The following DLGAP1 variants were observed in gnomAD, a reference collection of about 807,000 sequenced individuals.
DLGAP1 encodes disks large-associated protein 1.
Under a neutral mutation model 90.8 loss-of-function variants are expected in DLGAP1, and 11 were observed. The observed-to-expected ratio is 0.12, with a 90% confidence interval of 0.08 to 0.20. DLGAP1 has a LOEUF of 0.20. Among genes scored for constraint, DLGAP1 ranks in the 10% least tolerant of loss-of-function variants. The pLI is 1.00. For missense variants in DLGAP1, 1,050 were observed against 1,333.8 expected, an observed-to-expected ratio of 0.79 and a Z score of 3.31; for synonymous variants, 558 against 540.7, an observed-to-expected ratio of 1.03 and a Z score of -0.44.
intron 7 of DLGAP1, among the ~76,000 whole-genome samples, chr18:3,667,919 C>A (rs1433281876): frequency 6.6e-6 from 1 of 152,120 alleles, no homozygotes; most frequent in East Asian, 1.9e-4. Context: ...TCCTTATCTG[C>A]CCCAAAGCAG....
intron 2 of DLGAP1, among the ~76,000 whole-genome samples, chr18:4,041,698 GA>G (rs2149149398): frequency 6.6e-6 from 1 of 152,248 alleles, no homozygotes; most frequent in East Asian, 1.9e-4. Context: ...CCAGTAGCAA[GA>G]AAAAACTCAT....
intron 2 of DLGAP1, among the ~76,000 whole-genome samples, chr18:4,093,086 T>G (rs1172353539): frequency 6.6e-6 from 1 of 152,200 alleles, no homozygotes; most frequent in African/African-American, 2.4e-5. Context: ...TGGTAGTTTA[T>G]CTTGCTTTTC....
intron 7 of DLGAP1, chr18:3,722,485 A>T (rs2062015754): frequency 6.6e-6 from 1 of 152,118 alleles, no homozygotes; most frequent in Admixed American, 6.5e-5. Flanking sequence ...TGCCTCACAA[A>T]AGGAGTAGGT....
chr18:3,544,698 A>G (rs1002675340), intron 9 of DLGAP1, among the ~76,000 whole-genome samples: 22 of 148,342 alleles, frequency 1.5e-4, no homozygotes, highest in African/African-American at 2.9e-4. Flanking sequence ...GTGTACTTGG[A>G]AAAAAAAATG....
intron 1 of DLGAP1, among the ~76,000 whole-genome samples, chr18:4,273,408 C>T (rs2079330250): frequency 6.6e-6 from 1 of 152,144 alleles, no homozygotes; most frequent in Non-Finnish European, 1.5e-5. Context: ...CCAGGTATTA[C>T]TGATGATGTT....
At chr18:4,387,440 T>C (rs1260666139) in intron 1 of DLGAP1, among the ~76,000 whole-genome samples, 2 of 152,192 alleles carry the variant, frequency 1.3e-5, no homozygotes, top group African/African-American at 2.4e-5. Flanking sequence ...TGGAAGTATA[T>C]TGTTTAAATG....
intron 3 of DLGAP1, among the ~76,000 whole-genome samples, chr18:3,993,871 A>G (rs1025817821): frequency 2.6e-5 from 4 of 152,140 alleles, no homozygotes; most frequent in African/African-American, 9.7e-5. Context: ...TGTTGAGAAG[A>G]TAAAGTTTTA....
chr18:3,757,593 T>C (rs1277558092), intron 5 of DLGAP1, among the ~76,000 whole-genome samples: 1 of 152,120 alleles, frequency 6.6e-6, no homozygotes, highest in Non-Finnish European at 1.5e-5. Context: ...GTTTAGTATC[T>C]GAAAATCAAT....
At chr18:4,273,954 G>A (rs1290765955) in intron 1 of DLGAP1, among the ~76,000 whole-genome samples, 2 of 151,494 alleles carry the variant, frequency 1.3e-5, no homozygotes. Context: ...TTATCTTTCT[G>A]AACAACCAGC....
intron 2 of DLGAP1, among the ~76,000 whole-genome samples, chr18:4,026,806 A>T (rs760909424): frequency 4.6e-5 from 7 of 152,218 alleles, no homozygotes; most frequent in Non-Finnish European, 5.9e-5. Context: ...GTCCTGGAAT[A>T]TCTCACAAAA....
intron 1 of DLGAP1, among the ~76,000 whole-genome samples, chr18:4,252,154 G>C (rs2078792746): frequency 6.6e-6 from 1 of 152,184 alleles, no homozygotes; most frequent in South Asian, 2.1e-4. Context: ...TCACAGGAGA[G>C]GCAACACCTT....
chr18:4,033,540 C>G (rs2074833869), intron 2 of DLGAP1, among the ~76,000 whole-genome samples: 2 of 152,176 alleles, frequency 1.3e-5, no homozygotes, highest in South Asian at 4.2e-4. Context: ...TTTAAAAATT[C>G]AAATATGGCC....
chr18:3,500,027 G>A (rs937553573), intron 12 of DLGAP1, among the ~76,000 whole-genome samples: 27 of 152,116 alleles, frequency 1.8e-4, no homozygotes, highest in African/African-American at 6.5e-4. Flanking sequence ...CACGGGAGAG[G>A]GAGGCCATTG....
chr18:3,799,583 G>A (rs1290857450), intron 5 of DLGAP1, among the ~76,000 whole-genome samples: 2 of 151,248 alleles, frequency 1.3e-5, no homozygotes, highest in Admixed American at 6.6e-5. Context: ...TGTTACCTCC[G>A]GGGCACAGTG....
chr18:3,561,436 CAAAAA>C (rs68086553), intron 9 of DLGAP1, among the ~76,000 whole-genome samples: 2 of 76,360 alleles, frequency 2.6e-5, no homozygotes. Flanking sequence ...ACTCCATCTC[CAAAAA>C]AAAAAAAAAA....
At chr18:3,839,880 C>T (rs371396955) in intron 4 of DLGAP1, among the ~76,000 whole-genome samples, 1 of 152,204 alleles carries the variant, frequency 6.6e-6, no homozygotes, top group East Asian at 1.9e-4. Flanking sequence ...TCACTCTCTT[C>T]TGAACAGGAC....
intron 7 of DLGAP1, among the ~76,000 whole-genome samples, chr18:3,685,563 C>CAA (rs59737533): frequency 0.024 from 1,830 of 76,542 alleles, 151 homozygotes; most frequent in African/African-American, 0.088. Flanking sequence ...GATTCCGTCT[C>CAA]AAAAAAAAAA....
intron 7 of DLGAP1, among the ~76,000 whole-genome samples, chr18:3,670,104 C>G (rs928140098): frequency 1.3e-5 from 2 of 152,062 alleles, no homozygotes; most frequent in Non-Finnish European, 2.9e-5. Flanking sequence ...TACAACAAAA[C>G]AAAACAAAAC....
intron 3 of DLGAP1, among the ~76,000 whole-genome samples, chr18:3,984,727 C>T (rs912153523): frequency 6.6e-6 from 1 of 152,096 alleles, no homozygotes; most frequent in Non-Finnish European, 1.5e-5. Context: ...CAATCAACTC[C>T]TAATTGAATC....
Sources: allele counts gnomAD v4.1 joint callset (sites outside exome capture counted in the v4.1 genomes callset), GRCh38; gene constraint gnomAD v4.1.1; transcripts MANE v1.5; gene names NCBI Gene and HGNC (gene_info 2026-07-23, HGNC 2026-07-21).